Variants in PHACTR3 observed in about 807,000 individuals in gnomAD.
PHACTR3 encodes the protein protein phosphatase 1, regulatory subunit 123.
PHACTR3 carries 16 observed loss-of-function variants against 66.8 expected under a neutral mutation model. The observed-to-expected ratio is 0.24, with a 90% CI of 0.16 to 0.36. The LOEUF is 0.36. PHACTR3 is among the 10% of genes least tolerant of loss of function. The pLI is 1.00. For synonymous variants in PHACTR3, 323 were observed against 292.1 expected, an observed-to-expected ratio of 1.11 and a Z score of -1.08; for missense variants, 647 against 719.9, an observed-to-expected ratio of 0.90 and a Z score of 1.16.
chr20:59,725,821 G>A (rs1288821477), intron 1 of PHACTR3, among the ~76,000 whole-genome samples: 1 of 152,182 alleles, frequency 6.6e-6, no homozygotes, highest in Non-Finnish European at 1.5e-5. Context: ...TCTCGGCTCT[G>A]TGCAGGAGGA....
At chr20:59,831,305 A>G (rs2042366949) in intron 8 of PHACTR3, among the ~76,000 whole-genome samples, 1 of 152,168 alleles carries the variant, frequency 6.6e-6, no homozygotes, top group Non-Finnish European at 1.5e-5. Flanking sequence ...TCCCCAGCCC[A>G]GCCTGGTCCT....
intron 7 of PHACTR3, among the ~76,000 whole-genome samples, chr20:59,802,481 A>T (rs909026648): frequency 6.6e-6 from 1 of 152,222 alleles, no homozygotes; most frequent in Non-Finnish European, 1.5e-5. Context: ...GATGGTGTCC[A>T]TGCTTCTGTG....
At chr20:59,682,022 A>AG (rs1474692543) in intron 1 of PHACTR3, among the ~76,000 whole-genome samples, 1 of 142,680 alleles carries the variant, frequency 7.0e-6, no homozygotes, top group Non-Finnish European at 1.6e-5. Flanking sequence ...AAAAAAAAAA[A>AG]AGAAAGAAAG....
chr20:59,836,742 AT>A (rs200495024), intron 9 of PHACTR3, among the ~76,000 whole-genome samples, 182 bp downstream of exon 9: 4 of 151,882 alleles, frequency 2.6e-5, no homozygotes, highest in Admixed American at 6.6e-5. Context: ...ACCTAGAAAC[AT>A]TTTTTTTAAT....
At chr20:59,841,254 T>G in intron 10 of PHACTR3, 141 bp from the exon 11 acceptor site, 2 of 735,716 alleles carry the variant, frequency 2.7e-6, no homozygotes, top group Non-Finnish European at 4.3e-6. Context: ...CATTAGAGAT[T>G]GCTTGTATTT....
Position 59,604,610 on chromosome 20 carries a change from G to T in PHACTR3, c.-405G>T. The stretch of plus-strand genomic sequence containing the variant: ...TTCCTGGGGGGGTGGGGGGTGGGGT[G>T]GGGGGAGGGAGCGCCCCCAGACATT... On this transcript the variant is annotated 5_prime_UTR_variant, in exon 1 of 13. Coordinates refer to ENST00000371015, the MANE Select transcript of PHACTR3 (RefSeq NM_080672.5). 7.0e-6 allele frequency: 3 copies of T among 427,668 alleles called. No homozygotes were observed. Among genetic ancestry groups the T allele is most frequent in the Non-Finnish European group, 9.3e-6 (3 of 321,586 alleles). The allele number at this position is 427,668 out of a possible 1,614,324, so 26.5% of individuals were successfully genotyped here.
In PHACTR3 at chr20:59,763,469, G is replaced by C. The variant is rs77978809; in HGVS notation, c.542-3717G>C. Among the ~76,000 whole-genome samples, 104 of 152,318 alleles carry C rather than the reference G, an allele frequency of 6.8e-4. No individual in the cohort carries two copies. The East Asian group carries it at 0.019, about 27-fold the overall frequency. On this transcript the variant is annotated intron_variant, in intron 4 of 12. Transcript: ENST00000371015. ...AACCCATGGTTGTTCAATAACATTT[G>C]CAAGATGGGTTGATGGTTGAATGAG...
At chr20:59,705,850 G>A (rs532563506) in intron 1 of PHACTR3, among the ~76,000 whole-genome samples, 3 of 152,322 alleles carry the variant, frequency 2.0e-5, no homozygotes, top group African/African-American at 7.2e-5. Context: ...AGAGGAATTG[G>A]TGGTGGCCCC....
chr20:59,723,815 A>G lies in PHACTR3; in HGVS notation c.119-19292A>G, dbSNP rs571466677. Among the ~76,000 whole-genome samples, 168 of 152,128 alleles carry G rather than the reference A, an allele frequency of 1.1e-3. 1 individual carries two copies. The highest frequency in any genetic ancestry group is 2.1e-3 in the Non-Finnish European group (146 of 67,972). On this transcript the variant is annotated intron_variant, in intron 1 of 12. Coordinates refer to ENST00000371015, the MANE Select transcript of PHACTR3 (RefSeq NM_080672.5). Reference sequence around the variant, plus strand: ...GGGTGTGGTCAGGAGTAGAATGTTCATGGTGACTCGGTCCTCAAGGTCTGC... The same window carrying G: ...GGGTGTGGTCAGGAGTAGAATGTTCGTGGTGACTCGGTCCTCAAGGTCTGC...
intron 1 of PHACTR3, among the ~76,000 whole-genome samples, chr20:59,728,824 A>C (rs986304912): frequency 2.7e-5 from 4 of 147,620 alleles, no homozygotes; most frequent in Admixed American, 1.3e-4. Context: ...ACACCAAGTC[A>C]GCTGAAATAA....
intron 1 of PHACTR3, among the ~76,000 whole-genome samples, chr20:59,686,167 G>T (rs1188752264): frequency 6.6e-6 from 1 of 152,150 alleles, no homozygotes; most frequent in African/African-American, 2.4e-5. Flanking sequence ...AAGGTATCCA[G>T]TTCCTAGGAC....
intron 1 of PHACTR3, among the ~76,000 whole-genome samples, chr20:59,722,891 T>C (rs1236187160): frequency 1.3e-5 from 2 of 151,988 alleles, no homozygotes; most frequent in African/African-American, 4.8e-5. Flanking sequence ...GGCTGCTGGG[T>C]CCCACGTGCT....
chr20:59,718,697 A>G (rs1470756580), intron 1 of PHACTR3, among the ~76,000 whole-genome samples: 2 of 152,254 alleles, frequency 1.3e-5, no homozygotes, highest in Non-Finnish European at 2.9e-5. Flanking sequence ...GGTCGATGAC[A>G]GCTGAATATT....
At chr20:59,639,844 G>A (rs1411801060) in intron 1 of PHACTR3, among the ~76,000 whole-genome samples, 3 of 152,196 alleles carry the variant, frequency 2.0e-5, no homozygotes, top group African/African-American at 7.2e-5. Context: ...GAGATGTACT[G>A]TGCTGGGATA....
At chr20:59,670,614 G>GT (rs1456621928) in intron 1 of PHACTR3, among the ~76,000 whole-genome samples, 3 of 130,962 alleles carry the variant, frequency 2.3e-5, no homozygotes, top group Admixed American at 7.9e-5. Context: ...GTGGGGGGGG[G>GT]GGGCAGGCAC....
intron 8 of PHACTR3, among the ~76,000 whole-genome samples, chr20:59,808,668 T>A (rs1258992364): frequency 6.6e-6 from 1 of 152,230 alleles, no homozygotes; most frequent in Non-Finnish European, 1.5e-5. Flanking sequence ...CCCAGGCCCC[T>A]GAGTCACTGG....
chr20:59,727,750 G>A (rs935717790), intron 1 of PHACTR3, among the ~76,000 whole-genome samples: 4 of 152,284 alleles, frequency 2.6e-5, no homozygotes, highest in African/African-American at 9.6e-5. Context: ...TTGACATGAT[G>A]CTCAAAGAAA....
At chr20:59,685,711 C>T (rs567913436) in intron 1 of PHACTR3, among the ~76,000 whole-genome samples, 25 of 152,318 alleles carry the variant, frequency 1.6e-4, no homozygotes, top group East Asian at 3.9e-4. Flanking sequence ...CCTTACCATT[C>T]GGTCAGCCCA....
intron 7 of PHACTR3, among the ~76,000 whole-genome samples, chr20:59,783,872 A>C (rs986052457): frequency 1.3e-5 from 2 of 152,232 alleles, no homozygotes; most frequent in Non-Finnish European, 2.9e-5. Flanking sequence ...TGCATCTGAA[A>C]GCAGCTGTTC....
Sources: gnomAD v4.1 joint callset for allele counts (sites outside exome capture counted in the v4.1 genomes callset) on GRCh38, gnomAD v4.1.1 for gene constraint, MANE v1.5 for transcripts, NCBI Gene and HGNC (gene_info 2026-07-23, HGNC 2026-07-21) for gene names.